Variants in PARD3 observed in about 807,000 individuals in gnomAD.
The protein encoded by PARD3 is partitioning defective 3 homolog.
In PARD3, 75 loss-of-function variants were observed where a neutral mutation model predicts 155.4. That is an observed-to-expected ratio of 0.48 (90% CI 0.40 to 0.58). PARD3 has a LOEUF of 0.58. Among genes scored for constraint, PARD3 ranks in the 20% least tolerant of loss-of-function variants. PARD3 has a pLI of 0.00. For synonymous variants in PARD3, 576 were observed against 610.5 expected (o/e 0.94, Z 0.83); for missense variants, 1,642 against 1,721.7 (o/e 0.95, Z 0.82).
At chr10:34,257,007 T>C (rs1445351078) in intron 22 of PARD3, among the ~76,000 whole-genome samples, 3 of 152,190 alleles carry the variant, frequency 2.0e-5, no homozygotes, top group Non-Finnish European at 2.9e-5. Context: ...AAAACAGGTA[T>C]CTTTTAAAAT....
chr10:34,793,647 G>A (rs1374606452), intron 1 of PARD3, among the ~76,000 whole-genome samples: 4 of 152,240 alleles, frequency 2.6e-5, no homozygotes, highest in South Asian at 2.1e-4. Flanking sequence ...TTAGCTGGGC[G>A]TGGTGGCACA....
rs1045474671 is a variant in PARD3, at chr10:34,382,845, T to C, written c.1094A>G (p.Gln365Arg). 1 of 1,614,208 alleles carries C rather than the reference T, an allele frequency of 6.2e-7. No homozygotes were observed. The change falls in exon 9 of 25, where the codon CAG becomes CGG. Residue 365 changes from glutamine (Q) to arginine (R), a missense_variant. Gln to Arg is a conservative substitution (Grantham distance 43). Coordinates refer to ENST00000374788, the MANE Select transcript of PARD3 (RefSeq NM_001184785.2). ...CTCACTTTGGGATAGTTGTTCATAC[T>C]GCTCTTTATTTGCTGCAGGAACCAC... ...FHVVPAANKE[Q>R]YEQLSQSEKN... is the part of the protein sequence containing the mutation.
chr10:34,758,033 T>A (rs1836972948), intron 1 of PARD3, among the ~76,000 whole-genome samples: 1 of 152,220 alleles, frequency 6.6e-6, no homozygotes, highest in Admixed American at 6.5e-5. Context: ...TAAAAATGCA[T>A]CTGTTCCTGA....
chr10:34,751,291 G>A (rs1291522987), intron 1 of PARD3, among the ~76,000 whole-genome samples: 3 of 152,084 alleles, frequency 2.0e-5, no homozygotes, highest in Non-Finnish European at 4.4e-5. Context: ...GATGATTTGG[G>A]TCAAAATAAC....
At chr10:34,287,264 T>C (rs1004662965) in intron 20 of PARD3, among the ~76,000 whole-genome samples, 1 of 152,206 alleles carries the variant, frequency 6.6e-6, no homozygotes, top group Non-Finnish European at 1.5e-5. Context: ...ATTTTACTTA[T>C]AATGAGGTAT....
chr10:34,496,555 C>CCTAT (rs2133377445), intron 3 of PARD3, among the ~76,000 whole-genome samples: 1 of 152,250 alleles, frequency 6.6e-6, no homozygotes, highest in Non-Finnish European at 1.5e-5. Flanking sequence ...TCTACATCCA[C>CCTAT]CTATCAGTTT....
intron 5 of PARD3, among the ~76,000 whole-genome samples, chr10:34,425,303 T>C (rs2075540560): frequency 6.6e-6 from 1 of 152,176 alleles, no homozygotes. Context: ...CTTAACGTTA[T>C]ACATTTGGAT....
intron 5 of PARD3, among the ~76,000 whole-genome samples, chr10:34,447,805 A>AAAAAAAAAAAG (rs71033314): frequency 4.3e-5 from 2 of 46,336 alleles, no homozygotes; most frequent in African/African-American, 7.7e-4. Context: ...ACTCTGTCTC[A>AAAAAAAAAAAG]AAAGAAAGAA....
At chr10:34,214,240 G>A (rs1263530222) in intron 22 of PARD3, among the ~76,000 whole-genome samples, 2 of 152,086 alleles carry the variant, frequency 1.3e-5, no homozygotes, top group Non-Finnish European at 2.9e-5. Context: ...ATTAAGTAGA[G>A]TACCTAAATT....
At chr10:34,814,730 C>CG (rs1252307775) in intron 1 of PARD3, 146 bp downstream of exon 1, 2 of 647,502 alleles carry the variant, frequency 3.1e-6, no homozygotes, top group Non-Finnish European at 4.8e-6. Flanking sequence ...CAGTCCGGGG[C>CG]GGGGGGCGCC....
chr10:34,434,049 T>C (rs1484527357), intron 5 of PARD3, among the ~76,000 whole-genome samples: 1 of 152,146 alleles, frequency 6.6e-6, no homozygotes, highest in Non-Finnish European at 1.5e-5. Context: ...CACATTGGTT[T>C]TGGCAGGGAT....
chr10:34,752,806 G>A (rs139684732), intron 1 of PARD3, among the ~76,000 whole-genome samples: 2 of 152,314 alleles, frequency 1.3e-5, no homozygotes, highest in African/African-American at 4.8e-5. Flanking sequence ...ACAGAAGACA[G>A]TCCTTTGATT....
intron 5 of PARD3, among the ~76,000 whole-genome samples, chr10:34,404,341 G>A (rs1844212507): frequency 6.6e-6 from 1 of 152,184 alleles, no homozygotes; most frequent in African/African-American, 2.4e-5. Flanking sequence ...AAACAAAGCT[G>A]TTATTATGTA....
At chr10:34,446,453 C>T (rs1177592156) in intron 5 of PARD3, among the ~76,000 whole-genome samples, 2 of 151,976 alleles carry the variant, frequency 1.3e-5, no homozygotes, top group Non-Finnish European at 2.9e-5. Flanking sequence ...ACAATTATCC[C>T]TATTTGCTGG....
At chr10:34,468,287 T>G (rs2133052443) in intron 4 of PARD3, among the ~76,000 whole-genome samples, 1 of 152,352 alleles carries the variant, frequency 6.6e-6, no homozygotes, top group Admixed American at 6.5e-5. Flanking sequence ...GATAAATTCC[T>G]TTTGTTCAAA....
intron 2 of PARD3, among the ~76,000 whole-genome samples, chr10:34,647,395 C>A (rs72781610): frequency 6.6e-6 from 1 of 152,128 alleles, no homozygotes; most frequent in Non-Finnish European, 1.5e-5. Context: ...CCGTTTTGCA[C>A]GGGTTTCGCA....
In PARD3 at chr10:34,322,267, A is replaced by C. The variant is rs139976573; in HGVS notation, c.2834-4929T>G. 4.6e-5 allele frequency among the ~76,000 whole-genome samples: 7 copies of C among 152,244 alleles called. No individual in the cohort carries two copies. In the South Asian group the frequency reaches 1.2e-3, roughly 27 times the overall value. ...TAAAAGGCCTCTGAGCCCTAAAATT[A>C]CCCTATGGATAGCTGAATTATGGAA... On this transcript the variant is annotated intron_variant, in intron 19 of 24. Transcript: ENST00000374788.
At chr10:34,789,015 A>G (rs1318156815) in intron 1 of PARD3, among the ~76,000 whole-genome samples, 2 of 152,264 alleles carry the variant, frequency 1.3e-5, no homozygotes, top group Non-Finnish European at 2.9e-5. Context: ...AATAATATAC[A>G]CTAAGATTAT....
intron 22 of PARD3, among the ~76,000 whole-genome samples, chr10:34,164,367 C>T (rs1949424348): frequency 6.6e-6 from 1 of 152,220 alleles, no homozygotes; most frequent in African/African-American, 2.4e-5. Flanking sequence ...CAACTGCCCT[C>T]ATCATTCTTG....
Sources: allele counts gnomAD v4.1 joint callset (sites outside exome capture counted in the v4.1 genomes callset), GRCh38; gene constraint gnomAD v4.1.1; transcripts MANE v1.5; gene names NCBI Gene and HGNC (gene_info 2026-07-23, HGNC 2026-07-21).